CCDC141: variants seen among roughly 807,000 people sequenced by gnomAD.
CCDC141 encodes coiled-coil domain-containing protein 141.
Under a neutral mutation model 181.0 loss-of-function variants are expected in CCDC141, and 168 were observed. The observed-to-expected ratio is 0.93, with a 90% CI of 0.82 to 1.05. CCDC141 has a LOEUF of 1.05. CCDC141 is among the 50% of genes least tolerant of loss of function. The probability of loss-of-function intolerance (pLI) is 0.00; values close to 1 mark genes in which losing one functional copy is unlikely to be tolerated. For synonymous variants in CCDC141, 666 were observed against 642.3 expected (o/e 1.04, Z -0.56); for missense variants, 1,902 against 1,788.5 (o/e 1.06, Z -1.14).
At chr2:178,852,096 T>G (rs1357813268) in intron 20 of CCDC141, among the ~76,000 whole-genome samples, 3 of 152,134 alleles carry the variant, frequency 2.0e-5, no homozygotes, top group African/African-American at 7.2e-5. Context: ...ACAAGCAAAA[T>G]CGCTCCTCAA....
intron 23 of CCDC141, 127 bp downstream of exon 23, chr2:178,836,767 T>C: frequency 1.0e-6 from 1 of 990,628 alleles, no homozygotes; most frequent in Non-Finnish European, 1.5e-6. Context: ...GATTGAATCA[T>C]GCAGAGTTGC....
downstream of CCDC141, chr2:178,825,425 T>A (rs893999684): frequency 6.6e-6 from 1 of 152,192 alleles, no homozygotes; most frequent in Non-Finnish European, 1.5e-5. Flanking sequence ...ATTTTGATCA[T>A]GTTATTATTG....
At chr2:178,956,039 A>T (rs542042894) in intron 5 of CCDC141, among the ~76,000 whole-genome samples, 1 of 152,288 alleles carries the variant, frequency 6.6e-6, no homozygotes, top group African/African-American at 2.4e-5. Flanking sequence ...GCTAACACTA[A>T]GATAGTAGTT....
intron 7 of CCDC141, among the ~76,000 whole-genome samples, chr2:178,911,408 G>A (rs1244017996): frequency 6.6e-6 from 1 of 152,194 alleles, no homozygotes; most frequent in East Asian, 1.9e-4. Flanking sequence ...AGGTCATAGA[G>A]CTAATAAATG....
intron 6 of CCDC141, among the ~76,000 whole-genome samples, chr2:178,923,840 C>A (rs958028433): frequency 6.6e-6 from 1 of 151,976 alleles, no homozygotes; most frequent in African/African-American, 2.4e-5. Context: ...TTCTTGGATC[C>A]CTTGATTGAA....
chr2:178,982,368 T>G (rs1345759959), intron 2 of CCDC141, among the ~76,000 whole-genome samples: 2 of 152,212 alleles, frequency 1.3e-5, no homozygotes, highest in East Asian at 3.9e-4. Flanking sequence ...TCAGAAAGAA[T>G]AAAATACCTA....
At chr2:179,003,313 A>T (rs2042035337) in intron 2 of CCDC141, among the ~76,000 whole-genome samples, 1 of 152,236 alleles carries the variant, frequency 6.6e-6, no homozygotes, top group African/African-American at 2.4e-5. Flanking sequence ...CTCCTGTCAA[A>T]GCATGGCATG....
intron 2 of CCDC141, among the ~76,000 whole-genome samples, chr2:179,041,409 T>C (rs1276264267): frequency 1.3e-5 from 2 of 151,970 alleles, no homozygotes; most frequent in East Asian, 1.9e-4. Context: ...CTTTTTTTAA[T>C]GTTTGTTGGC....
In CCDC141 at chr2:178,856,375, A is replaced by G. The variant is rs750431536; in HGVS notation, c.2747T>C (p.Ile916Thr). 6.3e-7 allele frequency: 1 copy of G among 1,596,142 alleles called. No homozygotes were observed. Among genetic ancestry groups the G allele is most frequent in the Middle Eastern group, 1.8e-4 (1 of 5,448 alleles). ...CTTCAAATTATTGAATTTCTTTTTGATATCTTTGAATGAGTCTTTGAGCTG... is the reference window on the plus strand; with the variant it reads ...CTTCAAATTATTGAATTTCTTTTTGGTATCTTTGAATGAGTCTTTGAGCTG... Reference protein sequence around the residue: ...INELKDSFKDIKKKFNNLKFN... With the variant: ...INELKDSFKDTKKKFNNLKFN... Residue 916 changes from isoleucine (I) to threonine (T), a missense_variant, in exon 18 of 24, where the codon ATC becomes ACC. Physicochemically the swap from Ile to Thr is moderately conservative, Grantham distance 89 (BLOSUM62 -1). Transcript: ENST00000443758.
Position 178,961,421 on chromosome 2 carries a change from T to C in CCDC141, c.589A>G (p.Lys197Glu). 6.4e-7 allele frequency: 1 copy of C among 1,550,522 alleles called. No homozygotes were observed. Among genetic ancestry groups the C allele is most frequent in the Non-Finnish European group, 8.7e-7 (1 of 1,146,900 alleles). Reference protein sequence around the residue: ...KSQQLTDFIEKFKCEGPNVNP... With the variant: ...KSQQLTDFIEEFKCEGPNVNP... ...ACATTAGGTCCTTCACACTTGAATTTTTCTATGAAGTCAGTGAGTTGTTGA... is the reference window on the plus strand; with the variant it reads ...ACATTAGGTCCTTCACACTTGAATTCTTCTATGAAGTCAGTGAGTTGTTGA... Residue 197 changes from lysine (K) to glutamate (E), a missense_variant, in exon 5 of 24, where the codon AAA becomes GAA. Coordinates refer to ENST00000443758, the MANE Select transcript of CCDC141 (RefSeq NM_173648.4).
chr2:179,039,505 T>C (rs1319031116), intron 2 of CCDC141, among the ~76,000 whole-genome samples: 2 of 152,150 alleles, frequency 1.3e-5, no homozygotes, highest in African/African-American at 4.8e-5. Context: ...TTTAGGTGTG[T>C]GAAGGTAACC....
intron 1 of CCDC141, 134 bp downstream of exon 1, chr2:179,049,706 G>T: frequency 3.7e-6 from 3 of 804,766 alleles, no homozygotes; most frequent in Non-Finnish European, 3.7e-6. Flanking sequence ...GCCCATTTTA[G>T]AAAGCAGTAA....
At chr2:178,975,033 G>A in intron 4 of CCDC141, 24 bp downstream of exon 4, 2 of 1,209,292 alleles carry the variant, frequency 1.7e-6, no homozygotes, top group Admixed American at 2.2e-5. Flanking sequence ...AAACACTTCT[G>A]TGAGAAATAA....
intron 6 of CCDC141, among the ~76,000 whole-genome samples, chr2:178,924,191 T>C (rs1007140525): frequency 3.9e-5 from 6 of 152,158 alleles, no homozygotes; most frequent in Non-Finnish European, 8.8e-5. Flanking sequence ...CAAAAAACAA[T>C]TGGGAATATA....
chr2:178,974,941 A>C lies in CCDC141; in HGVS notation c.526+116T>G, dbSNP rs1691052755. 3 of 489,466 alleles carry C rather than the reference A, an allele frequency of 6.1e-6. No homozygotes were observed. The East Asian group carries it at 9.4e-5, about 15-fold the overall frequency. 30.3% of individuals were successfully genotyped at this position (489,466 alleles called of 1,614,324 possible). ...TGAAGCTTTAACTTTTCTTGGAACA[A>C]GCTGAGGTAAACATAAATAGATCAA... is the stretch of plus-strand genomic sequence containing the variant. On this transcript the variant is annotated intron_variant, in intron 4 of 23. Transcript: ENST00000443758.
At chr2:179,025,899 T>A (rs1370799104) in intron 2 of CCDC141, among the ~76,000 whole-genome samples, 1 of 152,176 alleles carries the variant, frequency 6.6e-6, no homozygotes, top group Non-Finnish European at 1.5e-5. Context: ...ATTGGTGGTA[T>A]TTTGTCCCTG....
chr2:178,895,426 A>G (rs1331731729), intron 8 of CCDC141, among the ~76,000 whole-genome samples: 1 of 152,050 alleles, frequency 6.6e-6, no homozygotes, highest in East Asian at 1.9e-4. Context: ...AGATCTTTTT[A>G]CTCTGGGATC....
intron 2 of CCDC141, among the ~76,000 whole-genome samples, chr2:179,026,721 A>G (rs1040442272): frequency 6.6e-6 from 1 of 152,194 alleles, no homozygotes; most frequent in Non-Finnish European, 1.5e-5. Flanking sequence ...ACAGACGCAC[A>G]ATGCCAGCTC....
intron 4 of CCDC141, among the ~76,000 whole-genome samples, chr2:178,969,427 C>T (rs1322975727): frequency 4.0e-5 from 6 of 151,532 alleles, no homozygotes; most frequent in East Asian, 1.9e-4. Context: ...TTATCCACCA[C>T]GATCAAGTCA....
Sources: allele counts gnomAD v4.1 joint callset (sites outside exome capture counted in the v4.1 genomes callset), GRCh38; gene constraint gnomAD v4.1.1; transcripts MANE v1.5; gene names NCBI Gene and HGNC (gene_info 2026-07-23, HGNC 2026-07-21).